The following GRM1 variants were observed in gnomAD, a reference collection of about 807,000 sequenced individuals.
GRM1 encodes metabotropic glutamate receptor 1.
In GRM1, 33 loss-of-function variants were observed where a neutral mutation model predicts 90.9. The observed-to-expected ratio is 0.36, with a 90% confidence interval of 0.28 to 0.49. The LOEUF (loss-of-function observed/expected upper bound fraction) is 0.49, where lower values mean the gene tolerates loss of function less well. Among genes scored for constraint, GRM1 ranks in the 20% least tolerant of loss-of-function variants. The pLI, the probability that GRM1 is intolerant of heterozygous loss-of-function variation, is 0.99. For missense variants in GRM1, 1,190 were observed against 1,534.3 expected (o/e 0.78, Z 3.75); for synonymous variants, 700 against 613.2 (o/e 1.14, Z -2.09).
chr6:146,242,714 C>T (rs535233717), intron 2 of GRM1, among the ~76,000 whole-genome samples: 119 of 152,148 alleles, frequency 7.8e-4, no homozygotes, highest in African/African-American at 2.7e-3. Flanking sequence ...TAGCTTCCAC[C>T]GTACCTCCAT....
At chr6:146,320,940 T>G (rs1406678296) in intron 3 of GRM1, among the ~76,000 whole-genome samples, 2 of 152,178 alleles carry the variant, frequency 1.3e-5, no homozygotes, top group African/African-American at 4.8e-5. Context: ...CACTGATTTT[T>G]TTTTTAAGGA....
At chr6:146,362,769 A>G (rs899418758) in intron 5 of GRM1, among the ~76,000 whole-genome samples, 1 of 152,096 alleles carries the variant, frequency 6.6e-6, no homozygotes, top group Non-Finnish European at 1.5e-5. Flanking sequence ...TGGCCCTAAG[A>G]AAAGAAGACT....
At chr6:146,210,000 A>G (rs1779633712) in intron 2 of GRM1, among the ~76,000 whole-genome samples, 1 of 152,216 alleles carries the variant, frequency 6.6e-6, no homozygotes, top group South Asian at 2.1e-4. Context: ...GGGATTTTAT[A>G]CAAAGAACAA....
chr6:146,075,418 G>A (rs997491559), intron 1 of GRM1, among the ~76,000 whole-genome samples: 2 of 152,180 alleles, frequency 1.3e-5, no homozygotes, highest in African/African-American at 2.4e-5. Context: ...AGGCAATAAA[G>A]TAATAGATAA....
At chr6:146,411,573 C>A (rs1049408520) in intron 7 of GRM1, among the ~76,000 whole-genome samples, 2 of 152,068 alleles carry the variant, frequency 1.3e-5, no homozygotes, top group Non-Finnish European at 2.9e-5. Flanking sequence ...TCACTGTACC[C>A]CCAGTATGCA....
chr6:146,352,836 C>A (rs1785455501), intron 4 of GRM1, among the ~76,000 whole-genome samples: 1 of 152,138 alleles, frequency 6.6e-6, no homozygotes, highest in African/African-American at 2.4e-5. Context: ...ACCTCTCAGA[C>A]CTTGCCAGCA....
chr6:146,149,484 G>A (rs1777237054), intron 1 of GRM1, among the ~76,000 whole-genome samples: 1 of 152,204 alleles, frequency 6.6e-6, no homozygotes, highest in Non-Finnish European at 1.5e-5. Context: ...CTTTGTTCTG[G>A]GAAATTTAAA....
At chr6:146,155,644 C>T (rs550229517) in intron 1 of GRM1, among the ~76,000 whole-genome samples, 1 of 152,304 alleles carries the variant, frequency 6.6e-6, no homozygotes, top group African/African-American at 2.4e-5. Context: ...CTGATAAGAT[C>T]ACCCAGTAGC....
At chr6:146,081,083 C>T (rs144827853) in intron 1 of GRM1, among the ~76,000 whole-genome samples, 23 of 152,182 alleles carry the variant, frequency 1.5e-4, no homozygotes, top group African/African-American at 4.1e-4. Context: ...GAATAAGGTC[C>T]GTCTCAGCAA....
chr6:146,144,256 T>C (rs919946407), intron 1 of GRM1, among the ~76,000 whole-genome samples: 11 of 152,194 alleles, frequency 7.2e-5, no homozygotes, highest in African/African-American at 2.2e-4. Flanking sequence ...TCTAATCTTA[T>C]TGGATCAGGG....
At chr6:146,051,846 T>C (rs1384875916) in intron 1 of GRM1, among the ~76,000 whole-genome samples, 3 of 152,086 alleles carry the variant, frequency 2.0e-5, no homozygotes, top group Non-Finnish European at 4.4e-5. Context: ...TCTTCTTGGT[T>C]TATATAAACT....
intron 1 of GRM1, among the ~76,000 whole-genome samples, chr6:146,127,007 A>G (rs963284457): frequency 1.2e-4 from 18 of 152,352 alleles, no homozygotes; most frequent in African/African-American, 4.3e-4. Context: ...TAATAAAAAA[A>G]TATTTCCACA....
chr6:146,317,759 A>T (rs1784027419), intron 3 of GRM1, among the ~76,000 whole-genome samples: 1 of 152,230 alleles, frequency 6.6e-6, no homozygotes, highest in South Asian at 2.1e-4. Context: ...GCCAATGTGA[A>T]CTTAGTTTAA....
intron 1 of GRM1, among the ~76,000 whole-genome samples, chr6:146,130,022 G>A (rs967784462): frequency 1.3e-5 from 2 of 151,966 alleles, no homozygotes. Flanking sequence ...AAAGGCAATT[G>A]TAGGAAAAAA....
chr6:146,048,489 T>A (rs984311563), intron 1 of GRM1, among the ~76,000 whole-genome samples: 40 of 152,026 alleles, frequency 2.6e-4, no homozygotes, highest in African/African-American at 9.4e-4. Context: ...ATTTCAAATA[T>A]AATTCTTATT....
intron 1 of GRM1, among the ~76,000 whole-genome samples, chr6:146,134,769 A>C (rs1233950169): frequency 1.3e-5 from 2 of 152,100 alleles, no homozygotes; most frequent in Non-Finnish European, 2.9e-5. Context: ...TCTCTACTAA[A>C]AATACAAAAA....
chr6:146,333,630 G>T (rs1784662073), intron 3 of GRM1, among the ~76,000 whole-genome samples: 1 of 152,150 alleles, frequency 6.6e-6, no homozygotes, highest in African/African-American at 2.4e-5. Flanking sequence ...GGGGCCAGAA[G>T]AGTGGGCTCT....
At chr6:146,319,861 T>C (rs748218582) in intron 3 of GRM1, among the ~76,000 whole-genome samples, 4 of 152,234 alleles carry the variant, frequency 2.6e-5, no homozygotes, top group Admixed American at 2.6e-4. Context: ...AAGGAGTTTT[T>C]GGGCTGAGTC....
At chr6:146,167,105 CT>C (rs989059025) in intron 2 of GRM1, among the ~76,000 whole-genome samples, 1 of 152,088 alleles carries the variant, frequency 6.6e-6, no homozygotes, top group Non-Finnish European at 1.5e-5. Flanking sequence ...TACACTTTGG[CT>C]TTTTCTAGAA....
Sources: gnomAD v4.1 joint callset for allele counts (sites outside exome capture counted in the v4.1 genomes callset) on GRCh38, gnomAD v4.1.1 for gene constraint, MANE v1.5 for transcripts, NCBI Gene and HGNC (gene_info 2026-07-23, HGNC 2026-07-21) for gene names.